ZMAT5: variants seen among roughly 807,000 people sequenced by gnomAD.
ZMAT5 encodes the protein zinc finger matrin-type protein 5.
A neutral mutation model predicts 28.0 loss-of-function variants in ZMAT5; 23 were observed. That is an observed-to-expected ratio of 0.82 (90% CI 0.59 to 1.16). The LOEUF (loss-of-function observed/expected upper bound fraction) is 1.16. Ranked by LOEUF, ZMAT5 falls within the 50% of genes most tolerant of loss-of-function variation. The probability of loss-of-function intolerance (pLI) is 0.00; values close to 1 mark genes in which losing one functional copy is unlikely to be tolerated. For missense variants in ZMAT5, 173 were observed against 212.7 expected (o/e 0.81, Z 1.16); for synonymous variants, 76 against 84.1 (o/e 0.90, Z 0.52).
intron 1 of ZMAT5, among the ~76,000 whole-genome samples, chr22:29,754,331 G>A (rs6006239): frequency 0.11 from 16,245 of 152,244 alleles, 1,433 homozygotes; most frequent in African/African-American, 0.24. Flanking sequence ...CCAGGTGCAC[G>A]GCTGCAAAGG....
chr22:29,734,501 G>A (rs1412696632), intron 5 of ZMAT5, among the ~76,000 whole-genome samples: 1 of 152,202 alleles, frequency 6.6e-6, no homozygotes, highest in African/African-American at 2.4e-5. Flanking sequence ...TAACACCTGG[G>A]GAACGCCCGA....
chr22:29,739,644 C>T (rs1193872650), intron 4 of ZMAT5, among the ~76,000 whole-genome samples: 1 of 152,248 alleles, frequency 6.6e-6, no homozygotes, highest in Non-Finnish European at 1.5e-5. Context: ...GCATCGTCTC[C>T]AGTTCCAGGC....
intron 1 of ZMAT5, among the ~76,000 whole-genome samples, chr22:29,765,913 CT>C (rs2068206332): frequency 6.6e-6 from 1 of 152,200 alleles, no homozygotes; most frequent in African/African-American, 2.4e-5. Flanking sequence ...ACTACAATAA[CT>C]TCCCCCTTGC....
intron 5 of ZMAT5, among the ~76,000 whole-genome samples, chr22:29,733,513 T>C (rs2067873902): frequency 6.6e-6 from 1 of 152,210 alleles, no homozygotes; most frequent in Non-Finnish European, 1.5e-5. Flanking sequence ...CCCTGCTTCA[T>C]GGCTCACTGC....
intron 1 of ZMAT5, among the ~76,000 whole-genome samples, chr22:29,766,347 C>A (rs1305877060): frequency 6.6e-6 from 1 of 152,134 alleles, no homozygotes; most frequent in African/African-American, 2.4e-5. Flanking sequence ...CAAGTGTCAC[C>A]CCCCAGAGCA....
At chr22:29,746,171 T>G (rs547930384) in intron 2 of ZMAT5, 2 of 152,034 alleles carry the variant, frequency 1.3e-5, no homozygotes, top group African/African-American at 4.8e-5. Flanking sequence ...TTTTTTGAGA[T>G]GGAGTCTTGC....
intron 1 of ZMAT5, among the ~76,000 whole-genome samples, chr22:29,757,917 T>C (rs1438848206): frequency 6.6e-6 from 1 of 151,808 alleles, no homozygotes; most frequent in South Asian, 2.1e-4. Flanking sequence ...CTTGGGAGGC[T>C]GAGGCAGGAG....
chr22:29,736,719 CAAA>C (rs35069848), intron 5 of ZMAT5, among the ~76,000 whole-genome samples: 1 of 25,270 alleles, frequency 4.0e-5, no homozygotes, highest in Non-Finnish European at 7.0e-5. Flanking sequence ...GACTCCATCT[CAAA>C]AAAAAAAAAA....
intron 1 of ZMAT5, among the ~76,000 whole-genome samples, chr22:29,762,922 T>C (rs2068171404): frequency 6.6e-6 from 1 of 152,152 alleles, no homozygotes; most frequent in Non-Finnish European, 1.5e-5. Flanking sequence ...AGATAAAATA[T>C]AAAACCAAAA....
At chr22:29,740,968 G>A (rs966679846) in intron 3 of ZMAT5, among the ~76,000 whole-genome samples, 1 of 152,212 alleles carries the variant, frequency 6.6e-6, no homozygotes, top group African/African-American at 2.4e-5. Context: ...CCCCATGCTG[G>A]GGATCACTTC....
chr22:29,740,849 C>T, intron 3 of ZMAT5, 119 bp from the exon 4 acceptor site: 3 of 842,540 alleles, frequency 3.6e-6, no homozygotes, highest in Non-Finnish European at 3.8e-6. Flanking sequence ...TAAAGAATAG[C>T]AACCCTGATC....
chr22:29,747,819 C>T lies in ZMAT5; in HGVS notation c.127+599G>A, dbSNP rs541746981. The T allele has an allele frequency of 3.2e-4, 53 of 165,176 alleles. No individual in the cohort carries two copies. In the Middle Eastern group the frequency reaches 0.013, roughly 40 times the overall value. The allele number at this position is 165,176 out of a possible 1,614,324, so 10.2% of individuals were successfully genotyped here. ...TCCTTCTGCAACTGGGTTATTCACC[C>T]GTGCCTGCAGCCAGTCATTCAACTG... is the stretch of plus-strand genomic sequence containing the variant. On this transcript the variant is annotated intron_variant, in intron 2 of 5. Transcript: ENST00000344318.
intron 1 of ZMAT5, among the ~76,000 whole-genome samples, chr22:29,750,986 A>C (rs1370446896): frequency 9.2e-5 from 14 of 152,230 alleles, no homozygotes; most frequent in Admixed American, 9.2e-4. Context: ...CTGCAGAGGG[A>C]CCGTGTCCCA....
intron 2 of ZMAT5, chr22:29,747,210 A>G (rs185612648): frequency 2.6e-5 from 4 of 152,366 alleles, no homozygotes. Flanking sequence ...CGAGAAAAGC[A>G]AATGACGAAC....
chr22:29,747,423 A>T (rs1043872567), intron 2 of ZMAT5: 2 of 152,440 alleles, frequency 1.3e-5, no homozygotes, highest in African/African-American at 4.8e-5. Context: ...AGCCCCAACC[A>T]GGGAACTCTC....
intron 2 of ZMAT5, chr22:29,748,004 A>C: frequency 3.6e-6 from 1 of 280,096 alleles, no homozygotes; most frequent in South Asian, 3.5e-5. Flanking sequence ...GGCTTGGAAG[A>C]TCCCTGCCCC....
chr22:29,761,152 A>C (rs1014092345), intron 1 of ZMAT5, among the ~76,000 whole-genome samples: 2 of 150,788 alleles, frequency 1.3e-5, no homozygotes, highest in Admixed American at 6.7e-5. Flanking sequence ...GCGCACCCAT[A>C]GTCCCAGCTA....
intron 1 of ZMAT5, among the ~76,000 whole-genome samples, chr22:29,750,554 G>A (rs961606045): frequency 3.3e-5 from 5 of 152,196 alleles, no homozygotes; most frequent in African/African-American, 1.2e-4. Flanking sequence ...CCATGAGTAT[G>A]GTGCTGCAAA....
At chr22:29,765,392 C>T (rs934247181) in intron 1 of ZMAT5, among the ~76,000 whole-genome samples, 2 of 151,632 alleles carry the variant, frequency 1.3e-5, no homozygotes, top group South Asian at 2.1e-4. Flanking sequence ...GCACTCCAGC[C>T]GCACAGAGTG....
Sources: allele counts gnomAD v4.1 joint callset (sites outside exome capture counted in the v4.1 genomes callset), GRCh38; gene constraint gnomAD v4.1.1; transcripts MANE v1.5; gene names NCBI Gene and HGNC (gene_info 2026-07-23, HGNC 2026-07-21).